TMEM168: variants seen among roughly 807,000 people sequenced by gnomAD.
The protein encoded by TMEM168 is transmembrane protein 168.
TMEM168 carries 40 observed loss-of-function variants against 53.2 expected under a neutral mutation model. The observed-to-expected ratio is 0.75, with a 90% CI of 0.58 to 0.98. The LOEUF is 0.98. Ranked by LOEUF, TMEM168 falls within the 50% of genes least tolerant of loss-of-function variation. The pLI is 0.00. For missense variants in TMEM168, 771 were observed against 828.8 expected (o/e 0.93, Z 0.86); for synonymous variants, 282 against 293.0 (o/e 0.96, Z 0.38).
intron 2 of TMEM168, among the ~76,000 whole-genome samples, chr7:112,777,657 T>TA (rs1411591873): frequency 6.6e-6 from 1 of 152,208 alleles, no homozygotes; most frequent in African/African-American, 2.4e-5. Context: ...CAGCTTTGTC[T>TA]AATGTTATGT....
chr7:112,767,558 T>C lies in TMEM168; in HGVS notation c.1733A>G (p.Glu578Gly), dbSNP rs202206214. The change falls in exon 5 of 5, where the codon GAA becomes GGA. Residue 578 changes from glutamate to glycine, a missense_variant. Transcript: ENST00000312814. Reference protein sequence around the residue: ...GAELIKTVDIEEADPPQLGDF... With the variant: ...GAELIKTVDIGEADPPQLGDF... The stretch of plus-strand genomic sequence containing the variant: ...ACCTAGCTGTGGCGGGTCAGCTTCT[T>C]CAATATCTACTGTTTTTATCAACTC... 6.2e-7 allele frequency: 1 copy of C among 1,614,158 alleles called. No homozygotes were observed. Among genetic ancestry groups the C allele is most frequent in the Admixed American group, 1.7e-5 (1 of 60,002 alleles).
At position 112,784,684 on chromosome 7, in the gene TMEM168, T is replaced by C. The variant is rs141758421; in HGVS notation, c.142A>G (p.Ile48Val). ...CATCTTACGTATAGACCTAAGCATATAGCAACCAATAAATTGATTCTGGCT... is the reference window on the plus strand; with the variant it reads ...CATCTTACGTATAGACCTAAGCATACAGCAACCAATAAATTGATTCTGGCT... ...YLARINLLVA[I>V]CLGLYVRWEK... The change falls in exon 2 of 5, where the codon ATA (isoleucine) becomes GTA (valine). Residue 48 changes from isoleucine (I) to valine (V), a missense_variant. Ile to Val is a conservative substitution (Grantham distance 29). Coordinates refer to ENST00000312814, the MANE Select transcript of TMEM168 (RefSeq NM_022484.6). 62 of 1,613,994 alleles carry C rather than the reference T, an allele frequency of 3.8e-5. No individual in the cohort carries two copies. Among genetic ancestry groups the C allele is most frequent in the South Asian group, 5.5e-5 (5 of 91,040 alleles).
In TMEM168 at chr7:112,767,696, T is replaced by G. The variant is rs779653420; in HGVS notation, c.1595A>C (p.Lys532Thr). The change falls in exon 5 of 5, where the codon AAG becomes ACG. Residue 532 changes from lysine to threonine, a missense_variant. Lys to Thr is a moderately conservative substitution (Grantham distance 78, BLOSUM62 -1). Coordinates refer to ENST00000312814, the MANE Select transcript of TMEM168 (RefSeq NM_022484.6). ...AAGCCGGGAACAAAAGGAACCATTC[T>G]TTTCTCTCCACCATTCTATAAGTGT... is the stretch of plus-strand genomic sequence containing the variant. ...LDTLIEWWRE[K>T]NGSFCSRLII... is the part of the protein sequence containing the mutation. 9.3e-6 allele frequency: 15 copies of G among 1,613,780 alleles called. No homozygotes were observed. The South Asian group carries it at 1.6e-4, about 18-fold the overall frequency.
chr7:112,789,645 G>A (rs1793489457), intron 1 of TMEM168, among the ~76,000 whole-genome samples: 1 of 152,142 alleles, frequency 6.6e-6, no homozygotes, highest in African/African-American at 2.4e-5. Context: ...AATGGCTTGA[G>A]GCATACCGTA....
chr7:112,770,997 T>G (rs1007983436), intron 4 of TMEM168, among the ~76,000 whole-genome samples: 1 of 152,210 alleles, frequency 6.6e-6, no homozygotes, highest in Non-Finnish European at 1.5e-5. Flanking sequence ...CTATTTTAAT[T>G]GACTAAAAGC....
chr7:112,767,404 C>T lies in TMEM168; in HGVS notation c.1887G>A (p.Leu629=). The change falls in exon 5 of 5, where the codon TTG becomes TTA. Residue 629 remains leucine, a synonymous_variant. Transcript: ENST00000312814. The part of the protein sequence containing the change: ...SKRWSDYTLH[L]PTGSDVAKHW... ...GCTTGGCCACATCGCTTCCCGTTGG[C>T]AAATGCAGAGTGTAGTCACTCCACC... The T allele has an allele frequency of 1.2e-6, 2 of 1,614,128 alleles. No homozygotes were observed. The highest frequency in any genetic ancestry group is 1.7e-6 in the Non-Finnish European group (2 of 1,180,006).
At position 112,782,914 on chromosome 7, in the gene TMEM168, C is replaced by T. The variant is rs946326886; in HGVS notation, c.1128+784G>A. Among the ~76,000 whole-genome samples the T allele has an allele frequency of 6.6e-5, 10 of 152,322 alleles. No homozygotes were observed. The South Asian group carries it at 1.2e-3, about 19-fold the overall frequency. On this transcript the variant is annotated intron_variant, in intron 2 of 4. Transcript: ENST00000312814. Reference sequence around the variant, plus strand: ...CACTGTAATCATAATTGTTTGTTTACATGCCAGCCTCTTCCTCCTCCCATT... The same window carrying T: ...CACTGTAATCATAATTGTTTGTTTATATGCCAGCCTCTTCCTCCTCCCATT...
rs1326576284 is a variant in TMEM168 at position 112,784,453 on chromosome 7, A to G, written c.373T>C (p.Tyr125His). ...AACACTATGGATGTTAGAAGCAAATATTTGGTTGATTCTTCTTTTACATCA... is the reference window on the plus strand; with the variant it reads ...AACACTATGGATGTTAGAAGCAAATGTTTGGTTGATTCTTCTTTTACATCA... ...KNDVKEESTK[Y>H]LLLTSIVLRI... is the part of the protein sequence containing the mutation. Residue 125 changes from tyrosine (Y) to histidine (H), a missense_variant, in exon 2 of 5, where the codon TAT becomes CAT. Tyr to His is a moderately conservative substitution (Grantham distance 83). Transcript: ENST00000312814. 3 of 1,614,020 alleles carry G rather than the reference A, an allele frequency of 1.9e-6. No homozygotes were observed. The highest frequency in any genetic ancestry group is 2.5e-6 in the Non-Finnish European group (3 of 1,179,982).
At chr7:112,779,247 T>C (rs925673322) in intron 2 of TMEM168, among the ~76,000 whole-genome samples, 3 of 152,286 alleles carry the variant, frequency 2.0e-5, no homozygotes, top group Admixed American at 1.3e-4. Context: ...AGTACTTCTA[T>C]TAGGTTATTT....
intron 2 of TMEM168, among the ~76,000 whole-genome samples, chr7:112,782,392 C>G (rs1260578864): frequency 1.3e-5 from 2 of 152,022 alleles, no homozygotes; most frequent in Non-Finnish European, 2.9e-5. Context: ...ATTTGAAAGC[C>G]TGGAATGGCA....
chr7:112,783,880 G>C lies in TMEM168; in HGVS notation c.946C>G (p.Leu316Val). 1 of 1,599,450 alleles carries C rather than the reference G, an allele frequency of 6.3e-7. No homozygotes were observed. Reference sequence around the variant, plus strand: ...TTTAATTTGGTATGGAATCCCCAAAGAGTTAAAAGAAAAATAATATGACAA... The same window carrying C: ...TTTAATTTGGTATGGAATCCCCAAACAGTTAAAAGAAAAATAATATGACAA... ...MICHIIFLLTLWGFHTKLNDC... is the reference protein window; with the variant it reads ...MICHIIFLLTVWGFHTKLNDC... Residue 316 changes from leucine (L) to valine (V), a missense_variant, in exon 2 of 5, where the codon CTT (leucine) becomes GTT (valine). By Grantham distance (32) the Leu-to-Val change is conservative. Coordinates refer to ENST00000312814, the MANE Select transcript of TMEM168 (RefSeq NM_022484.6).
At chr7:112,781,325 G>T (rs1199374274) in intron 2 of TMEM168, among the ~76,000 whole-genome samples, 1 of 152,072 alleles carries the variant, frequency 6.6e-6, no homozygotes, top group Non-Finnish European at 1.5e-5. Context: ...ATTTTCAAGT[G>T]AACATGGAAT....
chr7:112,775,307 T>G lies in TMEM168; in HGVS notation c.1140A>C (p.Gly380=). 6.2e-7 allele frequency: 1 copy of G among 1,612,492 alleles called. No individual in the cohort carries two copies. The highest frequency in any genetic ancestry group is 8.5e-7 in the Non-Finnish European group (1 of 1,179,306). The part of the protein sequence containing the change: ...LGAVSWQPTN[G]IFLSMFLIVL... ...CGATTAGAAACATGCTCAAGAAAAT[T>G]CCATTTGTTGGCTAAAAGAAATCCA... Residue 380 remains glycine, a synonymous_variant, in exon 3 of 5, where the codon GGA becomes GGC. Coordinates refer to ENST00000312814, the MANE Select transcript of TMEM168 (RefSeq NM_022484.6).
At chr7:112,778,821 T>C (rs1793157024) in intron 2 of TMEM168, among the ~76,000 whole-genome samples, 1 of 152,230 alleles carries the variant, frequency 6.6e-6, no homozygotes, top group Non-Finnish European at 1.5e-5. Context: ...TAGGGGTCTA[T>C]TGATCACAAC....
rs987045150 is a variant in TMEM168, at chr7:112,775,433, C to A, written c.1129-115G>T. 5 of 913,520 alleles carry A rather than the reference C, an allele frequency of 5.5e-6. No individual in the cohort carries two copies. The Admixed American group carries it at 1.7e-4, about 32-fold the overall frequency. The allele number at this position is 913,520 out of a possible 1,614,324, so 56.6% of individuals were successfully genotyped here. A position where few individuals can be genotyped will look rare whatever the true frequency, so the allele number is the denominator to read the frequency against. The stretch of plus-strand genomic sequence containing the variant: ...CTACTTTCAAAAAGGATAAAAGGAA[C>A]AATTAATGATCTAAAAACAATTTTC... On this transcript the variant is annotated intron_variant, in intron 2 of 4. Transcript: ENST00000312814.
At chr7:112,773,794 A>G (rs976704285) in intron 3 of TMEM168, among the ~76,000 whole-genome samples, 1 of 152,134 alleles carries the variant, frequency 6.6e-6, no homozygotes, top group African/African-American at 2.4e-5. Flanking sequence ...AAAACGTTAG[A>G]TTTTGCTTCA....
chr7:112,773,949 C>T (rs1792999929), intron 3 of TMEM168, among the ~76,000 whole-genome samples: 1 of 152,276 alleles, frequency 6.6e-6, no homozygotes, highest in South Asian at 2.1e-4. Context: ...TGTCATTTCT[C>T]ACTTTATGTG....
chr7:112,762,486 C>T lies in TMEM168; in HGVS notation c.*4711G>A, dbSNP rs1792689597. On this transcript the variant is annotated 3_prime_UTR_variant, in exon 5 of 5. Coordinates refer to ENST00000312814, the MANE Select transcript of TMEM168 (RefSeq NM_022484.6). Reference sequence around the variant, plus strand: ...TGCTTGTCTAGGAAGCTATGTCATACTCATTTGTCCCTTGCACACTGCTAA... The same window carrying T: ...TGCTTGTCTAGGAAGCTATGTCATATTCATTTGTCCCTTGCACACTGCTAA... 1 of 152,014 alleles carries T rather than the reference C, an allele frequency of 6.6e-6. No individual in the cohort carries two copies. The highest frequency in any genetic ancestry group is 2.4e-5 in the African/African-American group (1 of 41,420). The allele number at this position is 152,014 out of a possible 1,614,324, so 9.4% of individuals were successfully genotyped here.
rs1425777848 is a variant in TMEM168 at position 112,767,498 on chromosome 7, T to A, written c.1793A>T (p.Asn598Ile). Residue 598 changes from asparagine (N) to isoleucine (I), a missense_variant, in exon 5 of 5, where the codon AAC becomes ATC. By Grantham distance (149) the Asn-to-Ile change is moderately radical. Transcript: ENST00000312814. Reference sequence around the variant, plus strand: ...AGTCCAGCAGATGTTATTACTGGAGTTGCAGTTATATTCTACCCAGTCTTT... The same window carrying A: ...AGTCCAGCAGATGTTATTACTGGAGATGCAGTTATATTCTACCCAGTCTTT... The part of the protein sequence containing the change: ...FTKDWVEYNC[N>I]SSNNICWTEK... The A allele has an allele frequency of 6.2e-7, 1 of 1,614,002 alleles. No individual in the cohort carries two copies. The highest frequency in any genetic ancestry group is 1.3e-5 in the African/African-American group (1 of 74,902).
Sources: allele counts gnomAD v4.1 joint callset (sites outside exome capture counted in the v4.1 genomes callset), GRCh38; gene constraint gnomAD v4.1.1; transcripts MANE v1.5; gene names NCBI Gene and HGNC (gene_info 2026-07-23, HGNC 2026-07-21).